Variants in MTHFD2L observed in about 807,000 individuals in gnomAD.
The protein encoded by MTHFD2L is bifunctional methylenetetrahydrofolate dehydrogenase/cyclohydrolase 2, mitochondrial.
Under a neutral mutation model 34.9 loss-of-function variants are expected in MTHFD2L, and 29 were observed. The ratio of observed to expected loss-of-function variants is 0.83; its 90% CI spans 0.62 to 1.13. The LOEUF (loss-of-function observed/expected upper bound fraction) is 1.13, where lower values mean the gene tolerates loss of function less well. Ranked by LOEUF, MTHFD2L falls within the 50% of genes most tolerant of loss-of-function variation. MTHFD2L has a pLI of 0.00. For synonymous variants in MTHFD2L, 167 were observed against 155.7 expected (o/e 1.07, Z -0.54); for missense variants, 481 against 446.5 (o/e 1.08, Z -0.70).
chr4:74,142,200 T>C (rs1279517085), intron 1 of MTHFD2L, among the ~76,000 whole-genome samples: 1 of 152,236 alleles, frequency 6.6e-6, no homozygotes, highest in African/African-American at 2.4e-5. Flanking sequence ...GTCTTATGTT[T>C]TACCTTTTAA....
At chr4:74,298,131 C>T (rs748173812) in intron 7 of MTHFD2L, among the ~76,000 whole-genome samples, 10 of 152,056 alleles carry the variant, frequency 6.6e-5, no homozygotes, top group Non-Finnish European at 1.2e-4. Context: ...TGACCATATA[C>T]AGGGTTTATC....
intron 3 of MTHFD2L, among the ~76,000 whole-genome samples, chr4:74,190,070 A>T (rs1732196243): frequency 6.6e-6 from 1 of 152,180 alleles, no homozygotes; most frequent in South Asian, 2.1e-4. Flanking sequence ...TTGAGAATAA[A>T]TCATTGTCCT....
At chr4:74,193,822 A>C (rs1733004288) in intron 3 of MTHFD2L, among the ~76,000 whole-genome samples, 1 of 152,178 alleles carries the variant, frequency 6.6e-6, no homozygotes, top group African/African-American at 2.4e-5. Flanking sequence ...ATAAATTTTT[A>C]AGCATGCTCT....
chr4:74,239,562 C>A (rs1027743655), intron 6 of MTHFD2L, among the ~76,000 whole-genome samples: 1 of 150,482 alleles, frequency 6.6e-6, no homozygotes, highest in African/African-American at 2.4e-5. Context: ...TTGTTTAATT[C>A]ATAATTGCTC....
chr4:74,236,186 T>TTTA (rs1389792152), intron 6 of MTHFD2L, among the ~76,000 whole-genome samples: 1 of 152,180 alleles, frequency 6.6e-6, no homozygotes, highest in African/African-American at 2.4e-5. Flanking sequence ...TTTTTACAGT[T>TTTA]TTATTGCTCA....
intron 6 of MTHFD2L, among the ~76,000 whole-genome samples, chr4:74,239,098 G>C (rs886991536): frequency 6.6e-6 from 1 of 152,128 alleles, no homozygotes; most frequent in Non-Finnish European, 1.5e-5. Flanking sequence ...ATGTCCATCA[G>C]TGATAGACTG....
At chr4:74,143,829 A>C (rs1723425430) in intron 1 of MTHFD2L, among the ~76,000 whole-genome samples, 1 of 152,180 alleles carries the variant, frequency 6.6e-6, no homozygotes, top group Non-Finnish European at 1.5e-5. Context: ...AGAAAGAGAA[A>C]AGCATTATGT....
At chr4:74,259,154 C>T (rs1433288822) in intron 6 of MTHFD2L, among the ~76,000 whole-genome samples, 1 of 152,146 alleles carries the variant, frequency 6.6e-6, no homozygotes, top group African/African-American at 2.4e-5. Context: ...GGCTCTCTCT[C>T]AGATCCCAGT....
At chr4:74,200,323 A>G (rs1199019199) in intron 4 of MTHFD2L, among the ~76,000 whole-genome samples, 2 of 152,024 alleles carry the variant, frequency 1.3e-5, no homozygotes, top group African/African-American at 4.8e-5. Flanking sequence ...AAAACAAAAC[A>G]AAACAAACAA....
At position 74,176,223 on chromosome 4, in the gene MTHFD2L, A is replaced by G. The variant is rs556223759; in HGVS notation, c.451+820A>G. On this transcript the variant is annotated intron_variant, in intron 3 of 7. Coordinates refer to ENST00000325278, the MANE Select transcript of MTHFD2L (RefSeq NM_001144978.3). ...GTAACTACGTCTCTCCAAAGGATTC[A>G]GTGTCAGCATTCTATGGTCAGCTAT... is the stretch of plus-strand genomic sequence containing the variant. Among the ~76,000 whole-genome samples, 82 of 152,192 alleles carry G rather than the reference A, an allele frequency of 5.4e-4. 2 individuals are homozygous for G. In the South Asian group the frequency reaches 0.017, roughly 31 times the overall value.
At chr4:74,218,742 C>T (rs1182177128) in intron 5 of MTHFD2L, among the ~76,000 whole-genome samples, 1 of 151,872 alleles carries the variant, frequency 6.6e-6, no homozygotes, top group Non-Finnish European at 1.5e-5. Flanking sequence ...TAATGACTAA[C>T]AACTGTTTGC....
intron 3 of MTHFD2L, chr4:74,190,523 TC>T: frequency 1.0e-6 from 1 of 985,344 alleles, no homozygotes; most frequent in Non-Finnish European, 1.2e-6. Flanking sequence ...GAGAACTCCT[TC>T]CAGTCTACCT....
At position 74,164,674 on chromosome 4, in the gene MTHFD2L, T is replaced by C. The variant is rs533260200; in HGVS notation, c.143+6393T>C. On this transcript the variant is annotated intron_variant, in intron 1 of 7. Coordinates refer to ENST00000325278, the MANE Select transcript of MTHFD2L (RefSeq NM_001144978.3). ...CCATTATATAGATGAAGAAATTGCA[T>C]GCCGTTGAGAGAAGCTAAGTGACTT... is the stretch of plus-strand genomic sequence containing the variant. Among the ~76,000 whole-genome samples the C allele has an allele frequency of 2.6e-5, 4 of 152,366 alleles. No individual in the cohort carries two copies. The East Asian group carries it at 5.8e-4, about 22-fold the overall frequency.
chr4:74,185,065 T>C (rs1163862048), intron 3 of MTHFD2L, among the ~76,000 whole-genome samples: 2 of 146,620 alleles, frequency 1.4e-5, no homozygotes, highest in African/African-American at 5.1e-5. Flanking sequence ...GGCAGGAGAA[T>C]GTCCTGAACC....
intron 6 of MTHFD2L, among the ~76,000 whole-genome samples, chr4:74,260,026 G>A (rs1029536158): frequency 6.6e-6 from 1 of 152,142 alleles, no homozygotes; most frequent in African/African-American, 2.4e-5. Context: ...TTATGATCAT[G>A]CTCCACTACA....
chr4:74,126,226 G>A (rs1315466194), intron 1 of MTHFD2L, among the ~76,000 whole-genome samples: 3 of 152,118 alleles, frequency 2.0e-5, no homozygotes, highest in African/African-American at 7.2e-5. Context: ...TTATTTGATA[G>A]AAATAATAGT....
chr4:74,194,601 A>T (rs1295300501), intron 3 of MTHFD2L: 1 of 152,202 alleles, frequency 6.6e-6, no homozygotes, highest in Non-Finnish European at 1.5e-5. Context: ...GTCCTCACTG[A>T]TGTTAATCAA....
At position 74,231,674 on chromosome 4, in the gene MTHFD2L, G is replaced by C. The variant is rs531087816; in HGVS notation, c.805+6280G>C. ...TAAGAATTCCAGGATTTAAATTCCA[G>C]CTCTGAGACTTGCTGATTGTGAGCT... On this transcript the variant is annotated intron_variant, in intron 6 of 7. Coordinates refer to ENST00000325278, the MANE Select transcript of MTHFD2L (RefSeq NM_001144978.3). 2.2e-4 allele frequency among the ~76,000 whole-genome samples: 34 copies of C among 152,228 alleles called. No individual in the cohort carries two copies. In the East Asian group the frequency reaches 6.0e-3, roughly 27 times the overall value.
At chr4:74,154,381 A>G (rs1358399333), upstream of MTHFD2L, among the ~76,000 whole-genome samples, 2 of 152,148 alleles carry the variant, frequency 1.3e-5, no homozygotes, top group Non-Finnish European at 2.9e-5. Context: ...GAAGTGAAGA[A>G]TTCTACTCCT....
Sources: allele counts gnomAD v4.1 joint callset (sites outside exome capture counted in the v4.1 genomes callset), GRCh38; gene constraint gnomAD v4.1.1; transcripts MANE v1.5; gene names NCBI Gene and HGNC (gene_info 2026-07-23, HGNC 2026-07-21).